The following CHST11 variants were observed in gnomAD, a reference collection of about 807,000 sequenced individuals.
CHST11 encodes C4S-1.
Under a neutral mutation model 30.4 loss-of-function variants are expected in CHST11, and 9 were observed. That is an observed-to-expected ratio of 0.30 (90% CI 0.18 to 0.52). The LOEUF (loss-of-function observed/expected upper bound fraction) is 0.52. Ranked by LOEUF, CHST11 falls within the 20% of genes least tolerant of loss-of-function variation. The probability of loss-of-function intolerance (pLI) is 0.97; values close to 1 mark genes in which losing one functional copy is unlikely to be tolerated. For missense variants in CHST11, 348 were observed against 460.6 expected (o/e 0.76, Z 2.24); for synonymous variants, 152 against 187.8 (o/e 0.81, Z 1.56).
At chr12:104,550,816 G>A (rs1489855350) in intron 1 of CHST11, among the ~76,000 whole-genome samples, 4 of 152,174 alleles carry the variant, frequency 2.6e-5, no homozygotes, top group South Asian at 2.1e-4. Flanking sequence ...AGAAGATGTC[G>A]TTGGGCCACT....
At chr12:104,716,502 G>T (rs2040132337) in intron 2 of CHST11, among the ~76,000 whole-genome samples, 1 of 152,248 alleles carries the variant, frequency 6.6e-6, no homozygotes, top group Non-Finnish European at 1.5e-5. Flanking sequence ...AAGTACAGAA[G>T]AGTGTTTCTA....
intron 2 of CHST11, among the ~76,000 whole-genome samples, chr12:104,755,755 C>T (rs1326976727): frequency 1.3e-5 from 2 of 152,052 alleles, no homozygotes; most frequent in East Asian, 3.9e-4. Context: ...CACTGCATTC[C>T]AGCCTGGGCA....
At chr12:104,637,378 C>G (rs1410235201) in intron 2 of CHST11, among the ~76,000 whole-genome samples, 1 of 141,662 alleles carries the variant, frequency 7.1e-6, no homozygotes, top group East Asian at 2.1e-4. Flanking sequence ...GGAGATATAC[C>G]TAATGCTAAA....
chr12:104,467,029 G>T (rs1374528720), intron 1 of CHST11, among the ~76,000 whole-genome samples: 1 of 152,206 alleles, frequency 6.6e-6, no homozygotes, highest in Non-Finnish European at 1.5e-5. Context: ...TCTTGGCTGG[G>T]ATCTCTTTAG....
rs60776273 is a variant in CHST11, at chr12:104,544,125, TAAAAAAAA to T, written c.119-57772_119-57765del. ...GGCAACAGAGAGAGACCCTGTCTGT[TAAAAAAAA>T]AAAAAAAAGAAAGAAAGAAAGAAAG... On this transcript the variant is annotated intron_variant, in intron 1 of 2. Coordinates refer to ENST00000303694, the MANE Select transcript of CHST11 (RefSeq NM_018413.6). 9.6e-4 allele frequency among the ~76,000 whole-genome samples: 93 copies of T among 97,346 alleles called. 2 individuals carry two copies. The highest frequency in any genetic ancestry group is 3.8e-3 in the African/African-American group (87 of 23,126). The allele number at this position is 97,346 out of a possible 152,430, so 63.9% of individuals were successfully genotyped here. A position where few individuals can be genotyped will look rare whatever the true frequency, so the allele number is the denominator to read the frequency against.
intron 1 of CHST11, among the ~76,000 whole-genome samples, chr12:104,597,301 A>T (rs1237927204): frequency 2.2e-5 from 3 of 138,488 alleles, no homozygotes; most frequent in African/African-American, 9.6e-5. Context: ...TAGATTCTTT[A>T]AAAAAAAATC....
intron 2 of CHST11, among the ~76,000 whole-genome samples, chr12:104,718,207 G>A (rs1195674708): frequency 6.6e-6 from 1 of 152,214 alleles, no homozygotes; most frequent in Non-Finnish European, 1.5e-5. Context: ...AGCCCCATTT[G>A]ACAGATGAGA....
At chr12:104,636,043 T>C (rs754337971) in intron 2 of CHST11, among the ~76,000 whole-genome samples, 5 of 152,196 alleles carry the variant, frequency 3.3e-5, no homozygotes, top group Non-Finnish European at 7.3e-5. Flanking sequence ...ACTATAAGCT[T>C]GCCATGAGGT....
At chr12:104,631,277 A>T (rs1469165057) in intron 2 of CHST11, among the ~76,000 whole-genome samples, 35 of 152,186 alleles carry the variant, frequency 2.3e-4, no homozygotes, top group Admixed American at 2.3e-3. Flanking sequence ...CACCCGGGGC[A>T]AGTCATTCAC....
At chr12:104,645,803 T>A (rs1230098864) in intron 2 of CHST11, among the ~76,000 whole-genome samples, 1 of 152,206 alleles carries the variant, frequency 6.6e-6, no homozygotes, top group East Asian at 1.9e-4. Context: ...CCAAATAAGA[T>A]GAGTTGACAG....
At chr12:104,577,405 A>G (rs1419304148) in intron 1 of CHST11, among the ~76,000 whole-genome samples, 1 of 152,070 alleles carries the variant, frequency 6.6e-6, no homozygotes, top group Non-Finnish European at 1.5e-5. Flanking sequence ...ACACTCCAGG[A>G]AAGAAGGGCT....
rs78003033 is a variant in CHST11 at position 104,695,496 on chromosome 12, A to T, written c.205-61453A>T. Among the ~76,000 whole-genome samples the T allele has an allele frequency of 1.4e-4, 21 of 152,148 alleles. 1 individual carries two copies. The East Asian group carries it at 4.1e-3, about 29-fold the overall frequency. On this transcript the variant is annotated intron_variant, in intron 2 of 2. Transcript: ENST00000303694. ...GTGTATGTGTCCTTGTGGTTTGCTT[A>T]TTGAACAAGCATTTCCTGAGCACCT...
At chr12:104,675,138 A>G (rs1194863009) in intron 2 of CHST11, among the ~76,000 whole-genome samples, 1 of 152,226 alleles carries the variant, frequency 6.6e-6, no homozygotes, top group Non-Finnish European at 1.5e-5. Flanking sequence ...AAGCAGTTAC[A>G]TATATTAAAA....
intron 1 of CHST11, among the ~76,000 whole-genome samples, chr12:104,490,874 A>G (rs183353289): frequency 5.3e-5 from 8 of 152,344 alleles, no homozygotes; most frequent in African/African-American, 1.7e-4. Flanking sequence ...GAGAAATAAT[A>G]AAATATTGAC....
chr12:104,546,444 G>A (rs2038349838), intron 1 of CHST11, among the ~76,000 whole-genome samples: 2 of 148,170 alleles, frequency 1.3e-5, no homozygotes, highest in South Asian at 4.4e-4. Context: ...TCCCACCTTG[G>A]GTGACAGACC....
chr12:104,608,358 C>T lies in CHST11; in HGVS notation c.204+6367C>T, dbSNP rs180825479. Among the ~76,000 whole-genome samples the T allele has an allele frequency of 1.2e-4, 19 of 152,224 alleles. No individual in the cohort carries two copies. The East Asian group carries it at 1.9e-3, about 15-fold the overall frequency. ...ACATAGTCCTCCTGTGCAAATAACT[C>T]CCCATCTTCCTGCACCCACCTATCA... is the stretch of plus-strand genomic sequence containing the variant. On this transcript the variant is annotated intron_variant, in intron 2 of 2. Transcript: ENST00000303694.
intron 1 of CHST11, among the ~76,000 whole-genome samples, chr12:104,541,854 A>G (rs1704928): frequency 0.78 from 118,586 of 152,122 alleles, 46,982 homozygotes; most frequent in East Asian, 0.98. Context: ...GCTTGAACCC[A>G]GGAGGCGGAG....
chr12:104,612,620 G>A (rs139509429), intron 2 of CHST11, among the ~76,000 whole-genome samples: 4 of 152,316 alleles, frequency 2.6e-5, no homozygotes, highest in Admixed American at 6.5e-5. Flanking sequence ...AGTGCTTACT[G>A]TGTGTGTCGT....
intron 2 of CHST11, among the ~76,000 whole-genome samples, chr12:104,607,292 T>G (rs1216071643): frequency 1.3e-5 from 2 of 152,096 alleles, no homozygotes; most frequent in African/African-American, 4.8e-5. Flanking sequence ...GATAAAAGCT[T>G]GTAATAGTCC....
Sources: allele counts gnomAD v4.1 joint callset (sites outside exome capture counted in the v4.1 genomes callset), GRCh38; gene constraint gnomAD v4.1.1; transcripts MANE v1.5; gene names NCBI Gene and HGNC (gene_info 2026-07-23, HGNC 2026-07-21).